Variants in C4BPA observed in about 807,000 individuals in gnomAD.
The protein encoded by C4BPA is C4b-binding protein alpha chain.
Under a neutral mutation model 63.7 loss-of-function variants are expected in C4BPA, and 31 were observed. The ratio of observed to expected loss-of-function variants is 0.49; its 90% CI spans 0.37 to 0.66. The LOEUF is 0.66. C4BPA is among the 30% of genes least tolerant of loss of function. C4BPA has a pLI of 0.00. For missense variants in C4BPA, 572 were observed against 723.3 expected (o/e 0.79, Z 2.40); for synonymous variants, 259 against 254.7 (o/e 1.02, Z -0.16).
intron 8 of C4BPA, among the ~76,000 whole-genome samples, chr1:207,132,793 C>A (rs987729543): frequency 6.6e-6 from 1 of 152,030 alleles, no homozygotes; most frequent in Non-Finnish European, 1.5e-5. Flanking sequence ...GAGGCTGAGG[C>A]GGGAGGATTG....
chr1:207,119,103 G>T (rs1684875287), intron 4 of C4BPA, among the ~76,000 whole-genome samples: 1 of 35,576 alleles, frequency 2.8e-5, no homozygotes, highest in African/African-American at 5.7e-5. Context: ...TTCTTTCACT[G>T]CCCCTTAGCC....
intron 4 of C4BPA, among the ~76,000 whole-genome samples, chr1:207,122,896 A>G (rs1453342062): frequency 6.6e-6 from 1 of 152,114 alleles, no homozygotes; most frequent in Non-Finnish European, 1.5e-5. Flanking sequence ...TTAAAAAGCT[A>G]TTTTGTTCTA....
chr1:207,105,428 A>T (rs941353999), intron 1 of C4BPA, among the ~76,000 whole-genome samples: 2 of 151,910 alleles, frequency 1.3e-5, no homozygotes, highest in African/African-American at 4.8e-5. Flanking sequence ...ATGGTGGCAC[A>T]TGTCTGTAAT....
Position 207,131,538 on chromosome 1 carries a change from A to G in C4BPA, c.890-8A>G. On this transcript the variant is annotated splice_region_variant and splice_polypyrimidine_tract_variant and intron_variant, in intron 7 of 11. Coordinates refer to ENST00000367070, the MANE Select transcript of C4BPA (RefSeq NM_000715.4). ...CTTTTGTTCTTCTTCTTCTTCTTTC[A>G]TGAGTAGATAGTTGTATTAATTTAC... 6.3e-7 allele frequency: 1 copy of G among 1,590,336 alleles called. No homozygotes were observed. The highest frequency in any genetic ancestry group is 8.6e-7 in the Non-Finnish European group (1 of 1,160,672).
chr1:207,116,453 G>C (rs1642173787), intron 4 of C4BPA, among the ~76,000 whole-genome samples: 2 of 150,882 alleles, frequency 1.3e-5, no homozygotes, highest in Non-Finnish European at 1.5e-5. Flanking sequence ...TGCATTGCAG[G>C]ATTTAGGCCT....
At chr1:207,126,932 A>G in intron 7 of C4BPA, 37 bp downstream of exon 7, 1 of 1,538,012 alleles carries the variant, frequency 6.5e-7, no homozygotes, top group Non-Finnish European at 9.0e-7. Flanking sequence ...AATGTTTGGC[A>G]TCTAAAGGTA....
At chr1:207,133,017 C>T (rs1341040925) in intron 8 of C4BPA, among the ~76,000 whole-genome samples, 3 of 152,058 alleles carry the variant, frequency 2.0e-5, no homozygotes, top group Non-Finnish European at 4.4e-5. Context: ...AGAGCAGGAC[C>T]CAGTTGTTTA....
intron 4 of C4BPA, among the ~76,000 whole-genome samples, chr1:207,118,213 G>GTCTA (rs35838980): frequency 0.088 from 12,152 of 137,426 alleles, 566 homozygotes; most frequent in East Asian, 0.13. Context: ...TCTATCATCT[G>GTCTA]TCTATCTATC....
intron 4 of C4BPA, among the ~76,000 whole-genome samples, chr1:207,116,975 T>A (rs1265789963): frequency 6.6e-6 from 1 of 152,228 alleles, no homozygotes; most frequent in African/African-American, 2.4e-5. Context: ...TTCCTGTACA[T>A]TTATGTATGC....
chr1:207,113,262 T>A lies in C4BPA; in HGVS notation c.142+95T>A, dbSNP rs1442996051. The A allele has an allele frequency of 3.7e-6, 5 of 1,342,338 alleles. No homozygotes were observed. In the African/African-American group the frequency reaches 7.5e-5, roughly 20 times the overall value. 83.2% of individuals were successfully genotyped at this position (1,342,338 alleles called of 1,614,324 possible). A position where few individuals can be genotyped will look rare whatever the true frequency, so the allele number is the denominator to read the frequency against. ...CTAAAAAAAATGATGACTGAGCTTC[T>A]AGCAGAGACCCAGCTTCATCAACAA... is the stretch of plus-strand genomic sequence containing the variant. On this transcript the variant is annotated intron_variant, in intron 2 of 11. Coordinates refer to ENST00000367070, the MANE Select transcript of C4BPA (RefSeq NM_000715.4).
chr1:207,141,311 T>C (rs369076968), intron 10 of C4BPA, 35 bp downstream of exon 10: 8 of 1,567,628 alleles, frequency 5.1e-6, no homozygotes, highest in South Asian at 1.1e-5. Flanking sequence ...CAAGATTAAG[T>C]GGGTGGACGT....
intron 1 of C4BPA, among the ~76,000 whole-genome samples, chr1:207,112,706 C>T (rs1558086814): frequency 6.6e-6 from 1 of 152,176 alleles, no homozygotes. Context: ...GTTCCCTCAA[C>T]ATGCCCTGCA....
intron 4 of C4BPA, among the ~76,000 whole-genome samples, chr1:207,120,665 T>C (rs900717418): frequency 2.0e-5 from 3 of 152,138 alleles, no homozygotes; most frequent in African/African-American, 7.2e-5. Context: ...TAACCAAGAA[T>C]GTTACTTATT....
chr1:207,124,967 A>G (rs1302472219), intron 6 of C4BPA, among the ~76,000 whole-genome samples: 4 of 152,252 alleles, frequency 2.6e-5, no homozygotes, highest in African/African-American at 9.6e-5. Flanking sequence ...AAGATGAAAC[A>G]CATATGCCTG....
At chr1:207,122,086 A>AAAATCACATTTGTTTT (rs1684933401) in intron 4 of C4BPA, among the ~76,000 whole-genome samples, 1 of 152,190 alleles carries the variant, frequency 6.6e-6, no homozygotes, top group Admixed American at 6.6e-5. Flanking sequence ...AGTCACACTT[A>AAAATCACATTTGTTTT]AAATCACATT....
chr1:207,124,943 T>C (rs182785712), intron 6 of C4BPA, among the ~76,000 whole-genome samples: 2 of 152,296 alleles, frequency 1.3e-5, no homozygotes, highest in East Asian at 1.9e-4. Context: ...AATGAAAATA[T>C]AATTTGCACC....
At chr1:207,106,881 G>A (rs1417539661) in intron 1 of C4BPA, among the ~76,000 whole-genome samples, 2 of 152,192 alleles carry the variant, frequency 1.3e-5, no homozygotes, top group African/African-American at 4.8e-5. Flanking sequence ...GATAATCTGC[G>A]TGATAAAACT....
chr1:207,136,240 C>T (rs1685276841), intron 9 of C4BPA, among the ~76,000 whole-genome samples: 2 of 152,198 alleles, frequency 1.3e-5, no homozygotes, highest in South Asian at 4.1e-4. Context: ...CCATGCATGC[C>T]ACCACAACCA....
At chr1:207,109,885 C>T (rs189435776) in intron 1 of C4BPA, among the ~76,000 whole-genome samples, 5 of 152,310 alleles carry the variant, frequency 3.3e-5, no homozygotes, top group Admixed American at 3.3e-4. Flanking sequence ...GTTTGCCTTG[C>T]TTTAAAATCA....
Sources: gnomAD v4.1 joint callset for allele counts (sites outside exome capture counted in the v4.1 genomes callset) on GRCh38, gnomAD v4.1.1 for gene constraint, MANE v1.5 for transcripts, NCBI Gene and HGNC (gene_info 2026-07-23, HGNC 2026-07-21) for gene names.